Variants in SLC25A13 observed in about 807,000 individuals in gnomAD.
SLC25A13 encodes electrogenic aspartate/glutamate antiporter SLC25A13, mitochondrial.
In SLC25A13, 70 loss-of-function variants were observed where a neutral mutation model predicts 85.5. The observed-to-expected ratio is 0.82, with a 90% CI of 0.68 to 1.00. The LOEUF is 1.00. Ranked by LOEUF, SLC25A13 falls within the 50% of genes least tolerant of loss-of-function variation. The pLI is 0.00. For missense variants in SLC25A13, 765 were observed against 819.8 expected (o/e 0.93, Z 0.82); for synonymous variants, 259 against 288.7 (o/e 0.90, Z 1.04).
intron 8 of SLC25A13, 93 bp from the exon 9 acceptor site, chr7:96,189,471 T>C: frequency 6.5e-7 from 1 of 1,529,062 alleles, no homozygotes; most frequent in Non-Finnish European, 9.1e-7. Flanking sequence ...TCATTTCTCA[T>C]ATTTCAGTAT....
rs1797622519 is a variant in SLC25A13, at chr7:96,256,059, A to G, written c.212+21137T>C. Among the ~76,000 whole-genome samples, 4 of 152,190 alleles carry G rather than the reference A, an allele frequency of 2.6e-5. No homozygotes were observed. In the East Asian group the frequency reaches 7.7e-4, roughly 29 times the overall value. On this transcript the variant is annotated intron_variant, in intron 3 of 17. Coordinates refer to ENST00000265631, the MANE Select transcript of SLC25A13 (RefSeq NM_014251.3). Reference sequence around the variant, plus strand: ...TCGTCACCACCAGGCCGGCCTTACAAGAACTCCTGAAGGAAGCACTAAATA... The same window carrying G: ...TCGTCACCACCAGGCCGGCCTTACAGGAACTCCTGAAGGAAGCACTAAATA...
chr7:96,165,644 A>G lies in SLC25A13; in HGVS notation c.1311+4401T>C, dbSNP rs1793710320. ...CTGGGTTAGGATGAGGCATTCAAAAACAAACATTTATACTGCTTAGGATAT... is the reference window on the plus strand; with the variant it reads ...CTGGGTTAGGATGAGGCATTCAAAAGCAAACATTTATACTGCTTAGGATAT... On this transcript the variant is annotated intron_variant, in intron 13 of 17. Transcript: ENST00000265631. Among the ~76,000 whole-genome samples, 4 of 152,248 alleles carry G rather than the reference A, an allele frequency of 2.6e-5. No individual in the cohort carries two copies. The South Asian group carries it at 8.3e-4, about 31-fold the overall frequency.
intron 11 of SLC25A13, among the ~76,000 whole-genome samples, chr7:96,174,207 CTTCT>C (rs1794125538): frequency 6.6e-6 from 1 of 152,222 alleles, no homozygotes; most frequent in Non-Finnish European, 1.5e-5. Context: ...AGATTTCTAC[CTTCT>C]TTCTCTCTTG....
intron 14 of SLC25A13, among the ~76,000 whole-genome samples, chr7:96,136,154 A>G (rs371982636): frequency 4.4e-4 from 67 of 152,248 alleles, no homozygotes; most frequent in African/African-American, 1.6e-3. Context: ...CTCCATTCCA[A>G]TTCTATATCA....
chr7:96,190,785 G>A (rs750412924), intron 7 of SLC25A13, among the ~76,000 whole-genome samples: 1 of 151,962 alleles, frequency 6.6e-6, no homozygotes, highest in Non-Finnish European at 1.5e-5. Flanking sequence ...ACTAATGTTT[G>A]TATTTTTAGT....
chr7:96,221,492 C>T (rs935354823), intron 4 of SLC25A13, among the ~76,000 whole-genome samples: 3 of 152,080 alleles, frequency 2.0e-5, no homozygotes, highest in African/African-American at 4.8e-5. Flanking sequence ...CCCCAAGTAA[C>T]GTTTCTTCTG....
At position 96,281,735 on chromosome 7, in the gene SLC25A13, T is replaced by G. The variant is rs1044754858; in HGVS notation, c.70-4397A>C. Among the ~76,000 whole-genome samples the G allele has an allele frequency of 2.6e-5, 4 of 152,324 alleles. No individual in the cohort carries two copies. The South Asian group carries it at 8.3e-4, about 32-fold the overall frequency. On this transcript the variant is annotated intron_variant, in intron 2 of 17. Coordinates refer to ENST00000265631, the MANE Select transcript of SLC25A13 (RefSeq NM_014251.3). ...TTACATTTTAGAAGTCTTTGAGAGA[T>G]ATTATCAGCTTCATTTTTTTAGATG...
intron 1 of SLC25A13, among the ~76,000 whole-genome samples, chr7:96,301,122 A>G (rs1799533535): frequency 6.6e-6 from 1 of 152,242 alleles, no homozygotes; most frequent in Admixed American, 6.5e-5. Context: ...ACAGAAATGT[A>G]GCCACCCTTT....
chr7:96,304,938 T>A (rs1242252895), intron 1 of SLC25A13, among the ~76,000 whole-genome samples: 1 of 152,198 alleles, frequency 6.6e-6, no homozygotes, highest in African/African-American at 2.4e-5. Context: ...ATACACTAAT[T>A]CTGCTAAAGT....
At chr7:96,245,659 A>G (rs1302706698) in intron 3 of SLC25A13, among the ~76,000 whole-genome samples, 1 of 152,162 alleles carries the variant, frequency 6.6e-6, no homozygotes, top group Non-Finnish European at 1.5e-5. Context: ...TACATCATGG[A>G]TATTTTGAGA....
At chr7:96,183,878 G>C (rs562118733) in intron 11 of SLC25A13, among the ~76,000 whole-genome samples, 1 of 152,098 alleles carries the variant, frequency 6.6e-6, no homozygotes, top group African/African-American at 2.4e-5. Flanking sequence ...TGAACCCTTC[G>C]TTATCTTTTT....
rs760315798 is a variant in SLC25A13, at chr7:96,121,867, T to C, written c.1722A>G (p.Gly574=). The C allele has an allele frequency of 6.2e-6, 10 of 1,614,088 alleles. No individual in the cohort carries two copies. In the African/African-American group the frequency reaches 1.1e-4, roughly 17 times the overall value. ...CAGCTCCCTTCCACAGAGCTTTTGG[T>C]CCTTCTTCACGCAGTATCTTTCTAA... is the stretch of plus-strand genomic sequence containing the variant. ...DCFRKILREE[G]PKALWKGAGA... is the part of the protein sequence containing the mutation. The change falls in exon 16 of 18, where the codon GGA becomes GGG. Residue 574 remains glycine (G), a synonymous_variant. Transcript: ENST00000265631.
intron 1 of SLC25A13, among the ~76,000 whole-genome samples, chr7:96,307,588 A>G (rs991672629): frequency 3.3e-5 from 5 of 151,840 alleles, no homozygotes; most frequent in African/African-American, 9.7e-5. Context: ...AAAAAAAAGT[A>G]GGGATGGAAG....
intron 3 of SLC25A13, among the ~76,000 whole-genome samples, chr7:96,276,458 C>CA (rs1388307273): frequency 6.6e-6 from 1 of 151,940 alleles, no homozygotes; most frequent in African/African-American, 2.4e-5. Context: ...CCCGTCTCTA[C>CA]AAAAAAATAC....
chr7:96,299,868 T>C (rs1270642337), intron 1 of SLC25A13, among the ~76,000 whole-genome samples: 1 of 152,198 alleles, frequency 6.6e-6, no homozygotes, highest in Admixed American at 6.5e-5. Context: ...CTGATTACTG[T>C]AGGCAACTGT....
chr7:96,153,247 A>G (rs1024580003), intron 13 of SLC25A13, among the ~76,000 whole-genome samples: 13 of 152,256 alleles, frequency 8.5e-5, no homozygotes, highest in Admixed American at 1.3e-4. Flanking sequence ...AAAATCAAAC[A>G]GAATCGAATT....
At chr7:96,181,007 G>C (rs976352151) in intron 11 of SLC25A13, among the ~76,000 whole-genome samples, 1 of 152,152 alleles carries the variant, frequency 6.6e-6, no homozygotes, top group African/African-American at 2.4e-5. Flanking sequence ...GATTATCTCA[G>C]GTGTGATTTC....
rs1439809349 is a variant in SLC25A13 at position 96,121,205 on chromosome 7, C to T, written c.2014G>A (p.Gly672Ser). 1 of 1,614,160 alleles carries T rather than the reference C, an allele frequency of 6.2e-7. No homozygotes were observed. Among genetic ancestry groups the T allele is most frequent in the Non-Finnish European group, 8.5e-7 (1 of 1,180,016 alleles). The change falls in exon 18 of 18, where the codon GGT becomes AGT. Residue 672 changes from glycine (G) to serine (S), a missense_variant. By Grantham distance (56) the Gly-to-Ser change is moderately conservative. Coordinates refer to ENST00000265631, the MANE Select transcript of SLC25A13 (RefSeq NM_014251.3). The stretch of plus-strand genomic sequence containing the variant: ...GGCTGATCTTCCTATGGGCCTCCAC[C>T]AATAGCCTTTGAGGTAGATACTGAT... Reference protein sequence around the residue: ...KPSVSTSKAIGGGP With the variant: ...KPSVSTSKAISGGP
rs574148554 is a variant in SLC25A13 at position 96,196,170 on chromosome 7, G to A, written c.469-2987C>T. 1.2e-4 allele frequency among the ~76,000 whole-genome samples: 19 copies of A among 152,258 alleles called. 1 individual carries two copies. The South Asian group carries it at 3.1e-3, about 25-fold the overall frequency. On this transcript the variant is annotated intron_variant, in intron 5 of 17. Coordinates refer to ENST00000265631, the MANE Select transcript of SLC25A13 (RefSeq NM_014251.3). ...CTCTATATGAGTGCTTCCAATTAAG[G>A]AAGAAGAAATCAACTGTTAAACACC...
Sources: allele counts gnomAD v4.1 joint callset (sites outside exome capture counted in the v4.1 genomes callset), GRCh38; gene constraint gnomAD v4.1.1; transcripts MANE v1.5; gene names NCBI Gene and HGNC (gene_info 2026-07-23, HGNC 2026-07-21).